Variants in TOGARAM2 observed in about 807,000 individuals in gnomAD.
TOGARAM2 encodes the protein TOG array regulator of axonemal microtubules 2.
TOGARAM2 carries 85 observed loss-of-function variants against 93.3 expected under a neutral mutation model. The observed-to-expected ratio is 0.91, with a 90% confidence interval of 0.76 to 1.09. TOGARAM2 has a LOEUF of 1.09. Ranked by LOEUF, TOGARAM2 falls within the 50% of genes least tolerant of loss-of-function variation. TOGARAM2 has a pLI of 0.00. For synonymous variants in TOGARAM2, 593 were observed against 552.8 expected (o/e 1.07, Z -1.02); for missense variants, 1,277 against 1,334.5 (o/e 0.96, Z 0.67).
rs1201721698 is a variant in TOGARAM2 at position 29,002,520 on chromosome 2, C to T, written c.428-16C>T. On this transcript the variant is annotated splice_polypyrimidine_tract_variant and intron_variant, in intron 4 of 19. Transcript: ENST00000379558. ...CTTCTGGGACTAACTGATTTCCCAT[C>T]CCCATCCCTGTACAGCCTCTCTGGA... 6.2e-7 allele frequency: 1 copy of T among 1,607,516 alleles called. No homozygotes were observed. Among genetic ancestry groups the T allele is most frequent in the Non-Finnish European group, 8.5e-7 (1 of 1,176,058 alleles).
At chr2:28,988,730 C>T (rs1305487297) in intron 1 of TOGARAM2, among the ~76,000 whole-genome samples, 2 of 152,204 alleles carry the variant, frequency 1.3e-5, no homozygotes, top group Non-Finnish European at 2.9e-5. Flanking sequence ...AATTCTCCAG[C>T]GTTGTTTGGA....
intron 1 of TOGARAM2, among the ~76,000 whole-genome samples, chr2:28,962,504 A>G (rs1236176101): frequency 1.3e-5 from 2 of 152,044 alleles, no homozygotes; most frequent in African/African-American, 2.4e-5. Flanking sequence ...TGGTTTTCCA[A>G]TGACGGATCC....
At chr2:29,047,089 C>T (rs1188176333) in intron 19 of TOGARAM2, 1 of 152,732 alleles carries the variant, frequency 6.5e-6, no homozygotes, top group Non-Finnish European at 1.5e-5. Context: ...CTTTCAGCTT[C>T]TCCCCTGCCC....
At chr2:29,015,636 T>C (rs1035260643) in intron 8 of TOGARAM2, among the ~76,000 whole-genome samples, 6 of 152,194 alleles carry the variant, frequency 3.9e-5, no homozygotes, top group African/African-American at 1.4e-4. Context: ...ACTGCCCACA[T>C]TGGAGTTGCC....
At chr2:29,050,610 G>A (rs1667007579) in intron 19 of TOGARAM2, 1 of 152,178 alleles carries the variant, frequency 6.6e-6, no homozygotes, top group African/African-American at 2.4e-5. Context: ...TGAGCCCTGG[G>A]CTCAGGCAGT....
chr2:28,992,708 T>C lies in TOGARAM2; in HGVS notation c.-110-2017T>C, dbSNP rs191616555. Among the ~76,000 whole-genome samples the C allele has an allele frequency of 5.3e-5, 8 of 152,274 alleles. No individual in the cohort carries two copies. The East Asian group carries it at 1.2e-3, about 22-fold the overall frequency. On this transcript the variant is annotated intron_variant, in intron 1 of 19. Transcript: ENST00000379558. ...GGTAAGAAATAGGGCCGAGATCTTATTATAAAGTGAATCTGAACTACAGAC... is the reference window on the plus strand; with the variant it reads ...GGTAAGAAATAGGGCCGAGATCTTACTATAAAGTGAATCTGAACTACAGAC...
In TOGARAM2 at chr2:28,981,353, G is replaced by C. The variant is rs533012731; in HGVS notation, c.-296G>C. 25,075 of 152,334 alleles carry C rather than the reference G, an allele frequency of 0.16. 2,192 individuals carry two copies. The highest frequency in any genetic ancestry group is 0.24 in the South Asian group (1,135 of 4,824). 9.4% of individuals were successfully genotyped at this position (152,334 alleles called of 1,614,324 possible). On this transcript the variant is annotated 5_prime_UTR_variant, in exon 1 of 20. Transcript: ENST00000379558. ...GGAGCACGCCAGCAGTGGAGCTCGTGGCCACCCAGCCCCTGCTCAGACAGG... is the reference window on the plus strand; with the variant it reads ...GGAGCACGCCAGCAGTGGAGCTCGTCGCCACCCAGCCCCTGCTCAGACAGG...
At chr2:29,026,212 C>T (rs1272437257) in intron 13 of TOGARAM2, among the ~76,000 whole-genome samples, 1 of 152,248 alleles carries the variant, frequency 6.6e-6, no homozygotes, top group African/African-American at 2.4e-5. Flanking sequence ...CACCCCAGTA[C>T]TGTTCTCTGT....
At chr2:29,001,859 T>A (rs911389257) in intron 4 of TOGARAM2, among the ~76,000 whole-genome samples, 5 of 149,542 alleles carry the variant, frequency 3.3e-5, no homozygotes, top group Non-Finnish European at 5.9e-5. Context: ...TGCTAGTCTT[T>A]TTTTTTTTTT....
At chr2:28,967,817 T>TTTC (rs1368185169) in intron 1 of TOGARAM2, among the ~76,000 whole-genome samples, 3 of 146,426 alleles carry the variant, frequency 2.0e-5, no homozygotes, top group African/African-American at 7.7e-5. Context: ...TTTTTTTTTT[T>TTTC]TTTTTTAGAT....
intron 19 of TOGARAM2, 144 bp downstream of exon 19, chr2:29,045,554 G>T: frequency 1.4e-6 from 1 of 713,396 alleles, no homozygotes; most frequent in Non-Finnish European, 2.5e-6. Context: ...TGCTTTTTTT[G>T]TGTGTGACAA....
intron 1 of TOGARAM2, among the ~76,000 whole-genome samples, chr2:28,972,236 G>C (rs1671959652): frequency 6.6e-6 from 1 of 152,116 alleles, no homozygotes; most frequent in African/African-American, 2.4e-5. Flanking sequence ...TTATAGGCAC[G>C]TGCCAGCACG....
In TOGARAM2 at chr2:28,993,996, T is replaced by C. The variant is rs1052062019; in HGVS notation, c.-110-729T>C. Reference sequence around the variant, plus strand: ...AGATCAGCTCTGGAAGCACCTCTGTTACCTGTCAGGGGAAAACGGGTCACC... The same window carrying C: ...AGATCAGCTCTGGAAGCACCTCTGTCACCTGTCAGGGGAAAACGGGTCACC... On this transcript the variant is annotated intron_variant, in intron 1 of 19. Coordinates refer to ENST00000379558, the MANE Select transcript of TOGARAM2 (RefSeq NM_199280.4). 3.3e-5 allele frequency among the ~76,000 whole-genome samples: 5 copies of C among 152,222 alleles called. No homozygotes were observed. In the South Asian group the frequency reaches 8.3e-4, roughly 25 times the overall value.
intron 4 of TOGARAM2, among the ~76,000 whole-genome samples, chr2:29,001,544 A>T (rs1257576040): frequency 2.0e-5 from 3 of 149,354 alleles, no homozygotes; most frequent in African/African-American, 7.5e-5. Flanking sequence ...TCTGTTGCCC[A>T]GTCTAGAGTG....
At chr2:29,022,091 G>A in intron 10 of TOGARAM2, 67 bp from the exon 11 acceptor site, 2 of 1,603,142 alleles carry the variant, frequency 1.2e-6, no homozygotes, top group South Asian at 1.1e-5. Context: ...GCGGTGGCAG[G>A]AGCGGCCACT....
chr2:29,037,669 T>C (rs927178458), intron 18 of TOGARAM2, among the ~76,000 whole-genome samples: 6 of 151,896 alleles, frequency 4.0e-5, no homozygotes, highest in Non-Finnish European at 7.4e-5. Flanking sequence ...CCAGGAAAAG[T>C]TTCAGTTACA....
chr2:29,006,759 C>T (rs897962420), intron 6 of TOGARAM2, among the ~76,000 whole-genome samples: 6 of 152,082 alleles, frequency 3.9e-5, no homozygotes, highest in Non-Finnish European at 8.8e-5. Context: ...CAGTTTTCAC[C>T]GTCAGCCTCC....
rs7577483 is a variant in TOGARAM2, at chr2:29,051,864, G to C, written c.2831G>C (p.Gly944Ala). ...GCCACCAGGAATGGCACCCTGCCTG[G>C]ACCCAGCGGGAACATCCGCGGGGTG... is the stretch of plus-strand genomic sequence containing the variant. ...NTATRNGTLPGPSGNIRGVVC... is the reference protein window; with the variant it reads ...NTATRNGTLPAPSGNIRGVVC... The change falls in exon 20 of 20, where the codon GGA becomes GCA. Residue 944 changes from glycine (G) to alanine (A), a missense_variant. By Grantham distance (60) the Gly-to-Ala change is moderately conservative. Coordinates refer to ENST00000379558, the MANE Select transcript of TOGARAM2 (RefSeq NM_199280.4). 2 of 1,570,274 alleles carry C rather than the reference G, an allele frequency of 1.3e-6. No individual in the cohort carries two copies. Among genetic ancestry groups the C allele is most frequent in the South Asian group, 2.3e-5 (2 of 85,522 alleles).
chr2:28,993,089 A>T (rs1672815718), intron 1 of TOGARAM2, among the ~76,000 whole-genome samples: 1 of 151,824 alleles, frequency 6.6e-6, no homozygotes, highest in African/African-American at 2.4e-5. Context: ...TCAGAAGTTA[A>T]AGAAAAAAAA....
Sources: allele counts gnomAD v4.1 joint callset (sites outside exome capture counted in the v4.1 genomes callset), GRCh38; gene constraint gnomAD v4.1.1; transcripts MANE v1.5; gene names NCBI Gene and HGNC (gene_info 2026-07-23, HGNC 2026-07-21).